The following CXCL16 variants were observed in gnomAD, a reference collection of about 807,000 sequenced individuals.
CXCL16 encodes the protein C-X-C motif chemokine 16.
CXCL16 carries 18 observed loss-of-function variants against 23.8 expected under a neutral mutation model. That is an observed-to-expected ratio of 0.76 (90% CI 0.52 to 1.12). The LOEUF (loss-of-function observed/expected upper bound fraction) is 1.12, where lower values mean the gene tolerates loss of function less well. Ranked by LOEUF, CXCL16 falls within the 50% of genes most tolerant of loss-of-function variation. The probability of loss-of-function intolerance (pLI) is 0.00; values close to 1 mark genes in which losing one functional copy is unlikely to be tolerated. For missense variants in CXCL16, 297 were observed against 315.4 expected (o/e 0.94, Z 0.44); for synonymous variants, 123 against 132.5 (o/e 0.93, Z 0.49).
At position 4,735,468 on chromosome 17, in the gene CXCL16, C is replaced by G. The variant is rs780849487; in HGVS notation, c.342G>C (p.Lys114Asn). Residue 114 changes from lysine to asparagine, a missense_variant, in exon 4 of 6, where the codon AAG becomes AAC. Transcript: ENST00000293778. ...TTGGGGGGCTGGTAGGAAGTAAATG[C>G]TTCTGGTGGGCCACAATCCCCGAGT... ...HAYSGIVAHQ[K>N]HLLPTSPPIS... 2.0e-6 allele frequency: 3 copies of G among 1,508,020 alleles called. No individual in the cohort carries two copies. In the Admixed American group the frequency reaches 6.8e-5, roughly 34 times the overall value. 93.4% of individuals were successfully genotyped at this position (1,508,020 alleles called of 1,614,324 possible).
intron 4 of CXCL16, 138 bp from the exon 5 acceptor site, chr17:4,734,790 T>C: frequency 1.3e-6 from 1 of 781,074 alleles, no homozygotes; most frequent in Non-Finnish European, 2.2e-6. Flanking sequence ...TGAAAATTTG[T>C]GAATTGAATG....
rs1290460063 is a variant in CXCL16 at position 4,739,163 on chromosome 17, C to T, written c.79+98G>A. 2.7e-6 allele frequency: 4 copies of T among 1,457,216 alleles called. No individual in the cohort carries two copies. Among genetic ancestry groups the T allele is most frequent in the Non-Finnish European group, 3.7e-6 (4 of 1,072,932 alleles). 90.3% of individuals were successfully genotyped at this position (1,457,216 alleles called of 1,614,324 possible). A position where few individuals can be genotyped will look rare whatever the true frequency, so the allele number is the denominator to read the frequency against. On this transcript the variant is annotated intron_variant, in intron 1 of 5. Coordinates refer to ENST00000293778, the MANE Select transcript of CXCL16 (RefSeq NM_001386809.1). This position sits in a 1 kb window ranked among gnomAD's most constrained non-coding sequence, Gnocchi z 5.3. ...CTGGCTTTCCTCTTGTCCCCGCTGC[C>T]TTCATCCACTCAACTCCGTGGGCCT... is the stretch of plus-strand genomic sequence containing the variant.
In CXCL16 at chr17:4,739,177, C is replaced by A; in HGVS notation, c.79+84G>T. 3 of 1,507,222 alleles carry A rather than the reference C, an allele frequency of 2.0e-6. No individual in the cohort carries two copies. Among genetic ancestry groups the A allele is most frequent in the Non-Finnish European group, 2.7e-6 (3 of 1,112,234 alleles). The allele number at this position is 1,507,222 out of a possible 1,614,324, so 93.4% of individuals were successfully genotyped here. On this transcript the variant is annotated intron_variant, in intron 1 of 5. Coordinates refer to ENST00000293778, the MANE Select transcript of CXCL16 (RefSeq NM_001386809.1). The surrounding 1 kb of genome is among the most constrained non-coding windows in gnomAD (Gnocchi z 5.3). The stretch of plus-strand genomic sequence containing the variant: ...GTCCCCGCTGCCTTCATCCACTCAA[C>A]TCCGTGGGCCTCGTGTCCCCTCCCC...
Position 4,739,543 on chromosome 17 carries a change from C to T in CXCL16, c.-204G>A, listed in dbSNP as rs1916282060. On this transcript the variant is annotated 5_prime_UTR_variant, in exon 1 of 6. Coordinates refer to ENST00000293778, the MANE Select transcript of CXCL16 (RefSeq NM_001386809.1). This position sits in a 1 kb window ranked among gnomAD's most constrained non-coding sequence, Gnocchi z 5.3. ...CGCTCAGTACTCGGCCCGCGCCATGCCAGCCTCTGGACGCAGGGAAAGCCG... is the reference window on the plus strand; with the variant it reads ...CGCTCAGTACTCGGCCCGCGCCATGTCAGCCTCTGGACGCAGGGAAAGCCG... 1 of 762,786 alleles carries T rather than the reference C, an allele frequency of 1.3e-6. No individual in the cohort carries two copies. Among genetic ancestry groups the T allele is most frequent in the Non-Finnish European group, 2.0e-6 (1 of 497,796 alleles). The allele number at this position is 762,786 out of a possible 1,614,324, so 47.3% of individuals were successfully genotyped here.
Position 4,739,456 on chromosome 17 carries a change from C to T in CXCL16, c.-117G>A. On this transcript the variant is annotated 5_prime_UTR_variant, in exon 1 of 6. Coordinates refer to ENST00000293778, the MANE Select transcript of CXCL16 (RefSeq NM_001386809.1). The surrounding 1 kb of genome is among the most constrained non-coding windows in gnomAD (Gnocchi z 5.3). Reference sequence around the variant, plus strand: ...GGCTTTCGCCGGGGACCGGAGGAGACGGCGGCCGGAGAGGAGGCGCGAGCC... The same window carrying T: ...GGCTTTCGCCGGGGACCGGAGGAGATGGCGGCCGGAGAGGAGGCGCGAGCC... 1.3e-6 allele frequency: 2 copies of T among 1,519,966 alleles called. No homozygotes were observed. The highest frequency in any genetic ancestry group is 1.1e-5 in the South Asian group (1 of 87,464). 94.2% of individuals were successfully genotyped at this position (1,519,966 alleles called of 1,614,324 possible).
chr17:4,737,445 TG>T (rs1916186276), intron 3 of CXCL16, among the ~76,000 whole-genome samples: 1 of 150,164 alleles, frequency 6.7e-6, no homozygotes, highest in Non-Finnish European at 1.5e-5. Context: ...CTGGGCATGG[TG>T]GCGGGCACCT....
rs1916073299 is a variant in CXCL16 at position 4,733,931 on chromosome 17, C to T, written c.*572G>A. 6.6e-6 allele frequency: 1 copy of T among 152,638 alleles called. No individual in the cohort carries two copies. Among genetic ancestry groups the T allele is most frequent in the South Asian group, 2.0e-4 (1 of 4,988 alleles). The allele number at this position is 152,638 out of a possible 1,614,324, so 9.5% of individuals were successfully genotyped here. A position where few individuals can be genotyped will look rare whatever the true frequency, so the allele number is the denominator to read the frequency against. On this transcript the variant is annotated 3_prime_UTR_variant, in exon 6 of 6. Coordinates refer to ENST00000293778, the MANE Select transcript of CXCL16 (RefSeq NM_001386809.1). Reference sequence around the variant, plus strand: ...AGTAGTTAAAAAACACACATAGGGCCAGGCATGGTGGCTCACACCTTTAAT... The same window carrying T: ...AGTAGTTAAAAAACACACATAGGGCTAGGCATGGTGGCTCACACCTTTAAT...
Position 4,739,248 on chromosome 17 carries a change from G to GC in CXCL16, c.79+12dup. On this transcript the variant is annotated intron_variant, in intron 1 of 5. Coordinates refer to ENST00000293778, the MANE Select transcript of CXCL16 (RefSeq NM_001386809.1). This position sits in a 1 kb window ranked among gnomAD's most constrained non-coding sequence, Gnocchi z 5.3. ...CAGGGGAATCTGGGTCCCCTGCCCCGCCCCCGGCTAACCTGGCTGAGTCAG... is the reference window on the plus strand; with the variant it reads ...CAGGGGAATCTGGGTCCCCTGCCCCGCCCCCCGGCTAACCTGGCTGAGTCAG... The GC allele has an allele frequency of 6.3e-7, 1 of 1,586,226 alleles. No individual in the cohort carries two copies. Among genetic ancestry groups the GC allele is most frequent in the East Asian group, 2.3e-5 (1 of 43,550 alleles).
In CXCL16 at chr17:4,738,780, A is replaced by G; in HGVS notation, c.218+2T>C. On this transcript the variant is annotated splice_donor_variant, in intron 2 of 5. Coordinates refer to ENST00000293778, the MANE Select transcript of CXCL16 (RefSeq NM_001386809.1). LOFTEE classifies it high-confidence loss of function. The surrounding 1 kb of genome is among the most constrained non-coding windows in gnomAD (Gnocchi z 4.0). Reference sequence around the variant, plus strand: ...TGCCCTCGCAGAGGCAGGTAAAATTACCTCGTGTAGTATAGACACCGATGG... The same window carrying G: ...TGCCCTCGCAGAGGCAGGTAAAATTGCCTCGTGTAGTATAGACACCGATGG... The G allele has an allele frequency of 6.2e-7, 1 of 1,613,544 alleles. No individual in the cohort carries two copies. Among genetic ancestry groups the G allele is most frequent in the Non-Finnish European group, 8.5e-7 (1 of 1,179,736 alleles).
At chr17:4,737,598 AAG>A (rs1491039307) in intron 3 of CXCL16, among the ~76,000 whole-genome samples, 5 of 146,508 alleles carry the variant, frequency 3.4e-5, no homozygotes, top group African/African-American at 1.0e-4. Flanking sequence ...AAAAAAAAAA[AAG>A]AAATGCATCA....
At chr17:4,735,561 G>A (rs779431955) in intron 3 of CXCL16, 53 bp from the exon 4 acceptor site, 2 of 1,429,578 alleles carry the variant, frequency 1.4e-6, no homozygotes, top group Non-Finnish European at 1.9e-6. Flanking sequence ...AGGTGAAAAA[G>A]CAGATAGAGG....
rs1227271314 is a variant in CXCL16 at position 4,733,826 on chromosome 17, C to G, written c.*677G>C. The G allele has an allele frequency of 6.6e-6, 1 of 152,668 alleles. No homozygotes were observed. The highest frequency in any genetic ancestry group is 1.9e-4 in the East Asian group (1 of 5,188). The allele number at this position is 152,668 out of a possible 1,614,324, so 9.5% of individuals were successfully genotyped here. On this transcript the variant is annotated 3_prime_UTR_variant, in exon 6 of 6. Coordinates refer to ENST00000293778, the MANE Select transcript of CXCL16 (RefSeq NM_001386809.1). ...GGGGAACCATCAGCAAAAAATGAAG[C>G]CAGGAATCACAGTAAGGGCGCAAGG... is the stretch of plus-strand genomic sequence containing the variant.
chr17:4,734,393 T>TA lies in CXCL16; in HGVS notation c.*109dup. 1 of 479,970 alleles carries TA rather than the reference T, an allele frequency of 2.1e-6. No homozygotes were observed. Among genetic ancestry groups the TA allele is most frequent in the South Asian group, 2.1e-5 (1 of 47,960 alleles). The allele number at this position is 479,970 out of a possible 1,614,324, so 29.7% of individuals were successfully genotyped here. On this transcript the variant is annotated 3_prime_UTR_variant, in exon 6 of 6. Transcript: ENST00000293778. ...TAGGCTGGATGTGGTAGGTGACGCC[T>TA]ATAATCCTCGCACCTTCAGAGGCCA...
Position 4,737,160 on chromosome 17 carries a change from T to C in CXCL16, c.301+1248A>G, listed in dbSNP as rs184676912. Among the ~76,000 whole-genome samples, 270 of 152,270 alleles carry C rather than the reference T, an allele frequency of 1.8e-3. 3 individuals are homozygous for C. Among genetic ancestry groups the C allele is most frequent in the African/African-American group, 5.8e-3 (240 of 41,556 alleles). On this transcript the variant is annotated intron_variant, in intron 3 of 5. Coordinates refer to ENST00000293778, the MANE Select transcript of CXCL16 (RefSeq NM_001386809.1). ...CTAGTTTGTGCACACTTAAAAGTAATTCATTTCATTGTATGTAAATTTGAA... is the reference window on the plus strand; with the variant it reads ...CTAGTTTGTGCACACTTAAAAGTAACTCATTTCATTGTATGTAAATTTGAA...
At chr17:4,736,660 G>T (rs142017034) in intron 3 of CXCL16, among the ~76,000 whole-genome samples, 1 of 152,148 alleles carries the variant, frequency 6.6e-6, no homozygotes, top group Non-Finnish European at 1.5e-5. Context: ...AATCATAGAG[G>T]TCTAGGCAGA....
In CXCL16 at chr17:4,738,959, C is replaced by A. The variant is rs1232536341; in HGVS notation, c.80-39G>T. ...AGGTGGTCGGCACCCATTCCCAGGC[C>A]CAGGGTCCCCACTCCGCTGTTCCCT... is the stretch of plus-strand genomic sequence containing the variant. On this transcript the variant is annotated intron_variant, in intron 1 of 5. Transcript: ENST00000293778. This position sits in a 1 kb window ranked among gnomAD's most constrained non-coding sequence, Gnocchi z 4.0. 6.2e-7 allele frequency: 1 copy of A among 1,605,290 alleles called. No homozygotes were observed. The highest frequency in any genetic ancestry group is 1.3e-5 in the African/African-American group (1 of 74,876).
In CXCL16 at chr17:4,739,067, C is replaced by A; in HGVS notation, c.80-147G>T. 1 of 1,198,504 alleles carries A rather than the reference C, an allele frequency of 8.3e-7. No individual in the cohort carries two copies. Among genetic ancestry groups the A allele is most frequent in the Admixed American group, 2.7e-5 (1 of 37,622 alleles). 74.2% of individuals were successfully genotyped at this position (1,198,504 alleles called of 1,614,324 possible). Reference sequence around the variant, plus strand: ...GGCTCAACCCACACATCATCACGCCCCCGACAACATCCATAATCCCGCCCG... The same window carrying A: ...GGCTCAACCCACACATCATCACGCCACCGACAACATCCATAATCCCGCCCG... On this transcript the variant is annotated intron_variant, in intron 1 of 5. Coordinates refer to ENST00000293778, the MANE Select transcript of CXCL16 (RefSeq NM_001386809.1). This position sits in a 1 kb window ranked among gnomAD's most constrained non-coding sequence, Gnocchi z 5.3.
At chr17:4,737,532 G>A (rs1046793733) in intron 3 of CXCL16, among the ~76,000 whole-genome samples, 2 of 143,082 alleles carry the variant, frequency 1.4e-5, no homozygotes, top group African/African-American at 5.3e-5. Flanking sequence ...GTGAGCTGAG[G>A]GCACCATTGC....
intron 5 of CXCL16, 26 bp downstream of exon 5, chr17:4,734,557 T>G (rs1916093683): frequency 6.7e-7 from 1 of 1,482,030 alleles, no homozygotes; most frequent in Non-Finnish European, 9.4e-7. Context: ...TTATTACACT[T>G]TTTGTAAGAA....
Sources: gnomAD v4.1 joint callset for allele counts (sites outside exome capture counted in the v4.1 genomes callset) on GRCh38, gnomAD v4.1.1 for gene constraint, Gnocchi (gnomAD v3.1) non-coding constraint, MANE v1.5 for transcripts, NCBI Gene and HGNC (gene_info 2026-07-23, HGNC 2026-07-21) for gene names.